Variants in RUFY3 observed in about 807,000 individuals in gnomAD.
RUFY3 encodes protein RUFY3.
In RUFY3, 34 loss-of-function variants were observed where a neutral mutation model predicts 84.0. The observed-to-expected ratio is 0.40, with a 90% CI of 0.31 to 0.54. RUFY3 has a LOEUF of 0.54. Ranked by LOEUF, RUFY3 falls within the 20% of genes least tolerant of loss-of-function variation. RUFY3 has a pLI of 0.39. For synonymous variants in RUFY3, 242 were observed against 252.9 expected (o/e 0.96, Z 0.41); for missense variants, 507 against 736.8 (o/e 0.69, Z 3.61).
chr4:70,739,828 TAAA>T (rs572519160), intron 1 of RUFY3, among the ~76,000 whole-genome samples: 3 of 98,052 alleles, frequency 3.1e-5, no homozygotes, highest in East Asian at 3.2e-4. Flanking sequence ...ACTTAAAGTA[TAAA>T]AAAAAAAAAA....
intron 1 of RUFY3, among the ~76,000 whole-genome samples, chr4:70,755,882 C>T (rs1241474611): frequency 6.6e-6 from 1 of 150,426 alleles, no homozygotes; most frequent in Non-Finnish European, 1.5e-5. Context: ...ACCTGGGAGG[C>T]GGAACTTGCA....
At chr4:70,720,422 G>A (rs1014930307), upstream of RUFY3, among the ~76,000 whole-genome samples, 2 of 152,128 alleles carry the variant, frequency 1.3e-5, no homozygotes, top group Admixed American at 1.3e-4. Context: ...GACCTCAGGT[G>A]ATTTGCCCGC....
intron 12 of RUFY3, among the ~76,000 whole-genome samples, chr4:70,790,837 T>G (rs1350280752): frequency 6.6e-6 from 1 of 152,188 alleles, no homozygotes; most frequent in African/African-American, 2.4e-5. Flanking sequence ...AGATGATTCT[T>G]AACCAGTAAG....
intron 1 of RUFY3, among the ~76,000 whole-genome samples, chr4:70,756,566 A>G (rs888821762): frequency 2.6e-5 from 4 of 151,868 alleles, no homozygotes; most frequent in African/African-American, 9.7e-5. Context: ...CCTTTACCTA[A>G]GCTATTCCTT....
At chr4:70,723,770 A>G (rs753611642) in intron 1 of RUFY3, among the ~76,000 whole-genome samples, 12 of 152,238 alleles carry the variant, frequency 7.9e-5, no homozygotes, top group Non-Finnish European at 4.4e-5. Flanking sequence ...TCGACAGGAC[A>G]AAGAAGACCA....
At chr4:70,718,331 C>G (rs1366940782), upstream of RUFY3, among the ~76,000 whole-genome samples, 2 of 152,156 alleles carry the variant, frequency 1.3e-5, no homozygotes, top group African/African-American at 4.8e-5. Flanking sequence ...TACAAATATC[C>G]TTTAAGAGGA....
rs570043103 is a variant in RUFY3 at position 70,737,238 on chromosome 4, C to T, written c.178+14487C>T. Among the ~76,000 whole-genome samples, 43 of 146,418 alleles carry T rather than the reference C, an allele frequency of 2.9e-4. 1 individual carries two copies. In the South Asian group the frequency reaches 8.0e-3, roughly 27 times the overall value. ...AAACCTCATGATATTACTTTCTCTA[C>T]TTTTTTTTTTTAAGCTAACAGTAGT... On this transcript the variant is annotated intron_variant, in intron 1 of 17. Transcript: ENST00000381006.
At chr4:70,726,036 G>T (rs1718177990) in intron 1 of RUFY3, among the ~76,000 whole-genome samples, 1 of 152,202 alleles carries the variant, frequency 6.6e-6, no homozygotes, top group African/African-American at 2.4e-5. Context: ...GATCACTCTG[G>T]CAACAGTGTA....
At chr4:70,781,372 C>T (rs952859193) in intron 8 of RUFY3, among the ~76,000 whole-genome samples, 13 of 152,068 alleles carry the variant, frequency 8.5e-5, no homozygotes, top group African/African-American at 2.9e-4. Context: ...CCCAGCTACT[C>T]GGCATGCTGA....
chr4:70,754,130 G>A (rs895470301), intron 1 of RUFY3, among the ~76,000 whole-genome samples: 2 of 151,440 alleles, frequency 1.3e-5, no homozygotes, highest in Non-Finnish European at 2.9e-5. Flanking sequence ...TTGGCTCACT[G>A]CAGTTTCTGC....
intron 1 of RUFY3, among the ~76,000 whole-genome samples, chr4:70,734,823 T>G (rs1720022474): frequency 1.3e-5 from 2 of 152,234 alleles, no homozygotes; most frequent in Admixed American, 1.3e-4. Context: ...AGCGTTGGCT[T>G]CAGTGCACTG....
intron 4 of RUFY3, among the ~76,000 whole-genome samples, chr4:70,766,849 G>A (rs1726025822): frequency 6.6e-6 from 1 of 152,114 alleles, no homozygotes; most frequent in South Asian, 2.1e-4. Context: ...ATACAAAATA[G>A]TTTCATGGCC....
At chr4:70,787,816 G>A (rs1730150014) in intron 10 of RUFY3, among the ~76,000 whole-genome samples, 1 of 152,060 alleles carries the variant, frequency 6.6e-6, no homozygotes, top group Non-Finnish European at 1.5e-5. Flanking sequence ...TTTTATCACA[G>A]TAAGACAAAT....
intron 5 of RUFY3, among the ~76,000 whole-genome samples, chr4:70,770,988 G>A (rs1409145794): frequency 6.6e-6 from 1 of 152,092 alleles, no homozygotes; most frequent in East Asian, 1.9e-4. Context: ...ATGGGGGAAC[G>A]GCCAGTAAGT....
intron 1 of RUFY3, among the ~76,000 whole-genome samples, chr4:70,747,151 C>T (rs1360282907): frequency 6.6e-6 from 1 of 152,176 alleles, no homozygotes; most frequent in Non-Finnish European, 1.5e-5. Context: ...AAAAACTTTT[C>T]CCAAGGTCAC....
chr4:70,744,188 AATTTTATTTT>A (rs1331038889), intron 1 of RUFY3, among the ~76,000 whole-genome samples: 4 of 151,878 alleles, frequency 2.6e-5, no homozygotes, highest in Non-Finnish European at 4.4e-5. Flanking sequence ...GCTTTTTTAA[AATTTTATTTT>A]ATTTTATTTT....
rs899827894 is a variant in RUFY3 at position 70,791,110 on chromosome 4, T to G, written c.1337+1518T>G. 8.6e-6 allele frequency: 7 copies of G among 812,924 alleles called. No individual in the cohort carries two copies. In the African/African-American group the frequency reaches 1.3e-4, roughly 15 times the overall value. The allele number at this position is 812,924 out of a possible 1,614,324, so 50.4% of individuals were successfully genotyped here. A position where few individuals can be genotyped will look rare whatever the true frequency, so the allele number is the denominator to read the frequency against. ...GAATTTAAAGCAAACAGAAAGAGAA[T>G]AATGACTTATCTCTTTGAGTATTAA... On this transcript the variant is annotated intron_variant, in intron 12 of 17. Coordinates refer to ENST00000381006, the MANE Select transcript of RUFY3 (RefSeq NM_001037442.4).
intron 9 of RUFY3, among the ~76,000 whole-genome samples, chr4:70,784,127 G>C (rs1390672900): frequency 6.6e-6 from 1 of 152,176 alleles, no homozygotes; most frequent in East Asian, 1.9e-4. Context: ...CTGTGATCTT[G>C]CTGGATAGTT....
In RUFY3 at chr4:70,742,527, T is replaced by C. The variant is rs1721484014; in HGVS notation, c.178+19776T>C. On this transcript the variant is annotated intron_variant, in intron 1 of 17. Coordinates refer to ENST00000381006, the MANE Select transcript of RUFY3 (RefSeq NM_001037442.4). ...CCTGTGCCACCTGCGAACCCTTCAG[T>C]CCTTATGGGATTTCCACAATTTACT... 2.0e-5 allele frequency among the ~76,000 whole-genome samples: 3 copies of C among 152,192 alleles called. No individual in the cohort carries two copies. In the South Asian group the frequency reaches 6.2e-4, roughly 32 times the overall value.
Sources: gnomAD v4.1 joint callset for allele counts (sites outside exome capture counted in the v4.1 genomes callset) on GRCh38, gnomAD v4.1.1 for gene constraint, MANE v1.5 for transcripts, NCBI Gene and HGNC (gene_info 2026-07-23, HGNC 2026-07-21) for gene names.